DLC1: variants seen among roughly 807,000 people sequenced by gnomAD.
The protein encoded by DLC1 is DLC1 Rho GTPase activating protein, also known as rho GTPase-activating protein 7.
DLC1 carries 54 observed loss-of-function variants against 140.3 expected under a neutral mutation model. The ratio of observed to expected loss-of-function variants is 0.38; its 90% CI spans 0.31 to 0.48. The LOEUF (loss-of-function observed/expected upper bound fraction) is 0.48. Among genes scored for constraint, DLC1 ranks in the 20% least tolerant of loss-of-function variants. DLC1 has a pLI of 0.96. For missense variants in DLC1, 2,536 were observed against 1,907.0 expected (o/e 1.33, Z -6.14); for synonymous variants, 986 against 728.1 (o/e 1.35, Z -5.70).
At chr8:13,088,920 G>A (rs1478394299) in intron 15 of DLC1, among the ~76,000 whole-genome samples, 1 of 152,144 alleles carries the variant, frequency 6.6e-6, no homozygotes, top group South Asian at 2.1e-4. Context: ...ATATTTAAGA[G>A]CAAGCCAGAA....
intron 6 of DLC1, among the ~76,000 whole-genome samples, chr8:13,114,747 T>C (rs1249375666): frequency 6.6e-6 from 1 of 152,118 alleles, no homozygotes; most frequent in Non-Finnish European, 1.5e-5. Flanking sequence ...CCGAGTGACA[T>C]GAATAAATGC....
intron 4 of DLC1, chr8:13,338,666 C>G (rs1445208660): frequency 6.6e-6 from 1 of 152,156 alleles, no homozygotes; most frequent in Admixed American, 6.6e-5. Context: ...TGTCCCCACA[C>G]CTCATCTGTA....
intron 5 of DLC1, among the ~76,000 whole-genome samples, chr8:13,155,869 C>A (rs1585792763): frequency 6.6e-6 from 1 of 152,088 alleles, no homozygotes; most frequent in Non-Finnish European, 1.5e-5. Flanking sequence ...AAATGAGAAA[C>A]CTTCTAACTA....
chr8:13,129,397 T>C (rs929580385), intron 5 of DLC1, among the ~76,000 whole-genome samples: 1 of 152,190 alleles, frequency 6.6e-6, no homozygotes, highest in African/African-American at 2.4e-5. Flanking sequence ...ATATTTACAC[T>C]CTATGGTTGG....
intron 2 of DLC1, among the ~76,000 whole-genome samples, chr8:13,451,229 T>A (rs1207670882): frequency 6.6e-6 from 1 of 152,038 alleles, no homozygotes; most frequent in Non-Finnish European, 1.5e-5. Context: ...ATTTTTTAAC[T>A]GTTAATTTTT....
chr8:13,303,858 T>C (rs1358485379), intron 5 of DLC1, among the ~76,000 whole-genome samples: 1 of 152,128 alleles, frequency 6.6e-6, no homozygotes, highest in Non-Finnish European at 1.5e-5. Context: ...CTTGACAGAA[T>C]GAAGTGTTTC....
intron 1 of DLC1, among the ~76,000 whole-genome samples, chr8:13,541,556 T>G (rs1036929172): frequency 2.0e-5 from 3 of 152,176 alleles, no homozygotes; most frequent in East Asian, 1.9e-4. Context: ...TTTATGGATT[T>G]ATTTATTTAT....
rs752133815 is a variant in DLC1 at position 13,085,938 on chromosome 8, G to C, written c.4467-7C>G. On this transcript the variant is annotated splice_polypyrimidine_tract_variant and splice_region_variant and intron_variant, in intron 17 of 17. Coordinates refer to ENST00000276297, the MANE Select transcript of DLC1 (RefSeq NM_182643.3). The stretch of plus-strand genomic sequence containing the variant: ...CCATTCTGGCATGTGGCCCCTATCA[G>C]AGAAAAGAAAGAAAAGCTGATGAAT... 3.7e-6 allele frequency: 6 copies of C among 1,611,300 alleles called. No homozygotes were observed. Among genetic ancestry groups the C allele is most frequent in the Non-Finnish European group, 4.2e-6 (5 of 1,179,226 alleles).
chr8:13,549,805 G>A (rs993531830), intron 1 of DLC1, among the ~76,000 whole-genome samples: 1 of 152,028 alleles, frequency 6.6e-6, no homozygotes, highest in Non-Finnish European at 1.5e-5. Context: ...GGATTTTCAA[G>A]GATCACATGA....
chr8:13,545,154 C>G (rs79002757), intron 1 of DLC1, among the ~76,000 whole-genome samples: 1 of 151,908 alleles, frequency 6.6e-6, no homozygotes, highest in African/African-American at 2.4e-5. Context: ...CATTTATGAA[C>G]AAAATATTTG....
intron 5 of DLC1, chr8:13,276,641 C>G (rs1210069322): frequency 8.4e-7 from 1 of 1,188,800 alleles, no homozygotes; most frequent in Non-Finnish European, 1.0e-6. Context: ...GGCGCGCGAG[C>G]TGCAGCACAG....
chr8:13,562,744 T>C (rs1337039601), intron 1 of DLC1, among the ~76,000 whole-genome samples: 1 of 152,162 alleles, frequency 6.6e-6, no homozygotes, highest in Admixed American at 6.5e-5. Flanking sequence ...TCTCCACAGA[T>C]ACAAAGCAAA....
chr8:13,178,321 G>A (rs966558775), intron 5 of DLC1, among the ~76,000 whole-genome samples: 8 of 152,036 alleles, frequency 5.3e-5, no homozygotes, highest in African/African-American at 1.9e-4. Flanking sequence ...CCAGCATTTC[G>A]GGAGGCCATG....
intron 1 of DLC1, among the ~76,000 whole-genome samples, chr8:13,570,889 C>A (rs149962516): frequency 6.6e-6 from 1 of 152,148 alleles, no homozygotes; most frequent in Non-Finnish European, 1.5e-5. Flanking sequence ...TCTAGACTAA[C>A]CTACCAGACC....
chr8:13,582,736 C>T (rs1805152282), intron 1 of DLC1, among the ~76,000 whole-genome samples: 2 of 151,280 alleles, frequency 1.3e-5, no homozygotes, highest in East Asian at 1.9e-4. Context: ...AGAACCCTGA[C>T]TAATACAGTA....
chr8:13,390,086 C>G (rs1378903163), intron 4 of DLC1, among the ~76,000 whole-genome samples: 1 of 152,142 alleles, frequency 6.6e-6, no homozygotes, highest in Non-Finnish European at 1.5e-5. Flanking sequence ...TGTTTAATCT[C>G]TCATAGACAA....
intron 5 of DLC1, among the ~76,000 whole-genome samples, chr8:13,155,315 G>A (rs546164995): frequency 6.6e-6 from 1 of 150,492 alleles, no homozygotes; most frequent in Non-Finnish European, 1.5e-5. Context: ...GTGCCTGTAG[G>A]TTTTTTATGG....
chr8:13,477,758 A>G (rs1198716112), intron 2 of DLC1, among the ~76,000 whole-genome samples: 1 of 152,146 alleles, frequency 6.6e-6, no homozygotes, highest in Non-Finnish European at 1.5e-5. Flanking sequence ...TAAATAATAT[A>G]TTCCTACACC....
At chr8:13,390,914 G>C (rs1162642591) in intron 4 of DLC1, among the ~76,000 whole-genome samples, 1 of 151,538 alleles carries the variant, frequency 6.6e-6, no homozygotes, top group Non-Finnish European at 1.5e-5. Context: ...GAACCCAGGA[G>C]GCAGAGCTCG....
Sources: allele counts gnomAD v4.1 joint callset (sites outside exome capture counted in the v4.1 genomes callset), GRCh38; gene constraint gnomAD v4.1.1; transcripts MANE v1.5; gene names NCBI Gene and HGNC (gene_info 2026-07-23, HGNC 2026-07-21).